The following RALYL variants were observed in gnomAD, a reference collection of about 807,000 sequenced individuals.
The protein encoded by RALYL is RNA-binding Raly-like protein.
Under a neutral mutation model 35.1 loss-of-function variants are expected in RALYL, and 29 were observed. That is an observed-to-expected ratio of 0.83 (90% CI 0.61 to 1.13). The LOEUF (loss-of-function observed/expected upper bound fraction) is 1.13, where lower values mean the gene tolerates loss of function less well. Ranked by LOEUF, RALYL falls within the 50% of genes most tolerant of loss-of-function variation. The probability of loss-of-function intolerance (pLI) is 0.00; values close to 1 mark genes in which losing one functional copy is unlikely to be tolerated. For missense variants in RALYL, 359 were observed against 360.4 expected, an observed-to-expected ratio of 1.00 and a Z score of 0.03; for synonymous variants, 120 against 127.6, an observed-to-expected ratio of 0.94 and a Z score of 0.40.
intron 1 of RALYL, among the ~76,000 whole-genome samples, chr8:84,412,364 G>A (rs1031751551): frequency 6.6e-6 from 1 of 151,808 alleles, no homozygotes; most frequent in Non-Finnish European, 1.5e-5. Flanking sequence ...CATATTTTCT[G>A]ACTATGATAA....
chr8:84,481,557 T>G (rs1422920889), intron 1 of RALYL, among the ~76,000 whole-genome samples: 1 of 152,164 alleles, frequency 6.6e-6, no homozygotes, highest in Non-Finnish European at 1.5e-5. Flanking sequence ...AAATATAATT[T>G]CAACTTAGAA....
At chr8:84,492,484 T>C (rs1441717048) in intron 1 of RALYL, among the ~76,000 whole-genome samples, 7 of 152,114 alleles carry the variant, frequency 4.6e-5, no homozygotes, top group Non-Finnish European at 1.0e-4. Context: ...TGCTTAGCCT[T>C]CAAAGTCTGC....
At chr8:84,287,542 A>C (rs1837886831) in intron 1 of RALYL, among the ~76,000 whole-genome samples, 1 of 152,100 alleles carries the variant, frequency 6.6e-6, no homozygotes, top group Non-Finnish European at 1.5e-5. Context: ...TTGTTACATG[A>C]GAATCGAAAG....
intron 1 of RALYL, among the ~76,000 whole-genome samples, chr8:84,455,576 A>G (rs13265396): frequency 0.35 from 53,097 of 151,932 alleles, 9,605 homozygotes; most frequent in South Asian, 0.52. Flanking sequence ...TGAGCCATTC[A>G]GGGTTTAAAT....
chr8:84,837,595 A>G (rs1275521659), intron 4 of RALYL, among the ~76,000 whole-genome samples: 1 of 152,210 alleles, frequency 6.6e-6, no homozygotes, highest in East Asian at 1.9e-4. Context: ...TGATTCTTCT[A>G]TAAATGAAAA....
chr8:84,184,992 C>G (rs1268912726), intron 1 of RALYL: 1 of 1,613,960 alleles, frequency 6.2e-7, no homozygotes, highest in East Asian at 2.2e-5. Context: ...TGCTCCTCCT[C>G]TTCGCAATGA....
chr8:84,288,922 A>C (rs769835682), intron 1 of RALYL, among the ~76,000 whole-genome samples: 1 of 152,178 alleles, frequency 6.6e-6, no homozygotes, highest in Non-Finnish European at 1.5e-5. Flanking sequence ...TGAATGGCAA[A>C]GAAGATTTTA....
chr8:84,822,431 G>C (rs1586558469), intron 4 of RALYL, among the ~76,000 whole-genome samples: 3 of 152,254 alleles, frequency 2.0e-5, no homozygotes. Flanking sequence ...TAGCATTGCT[G>C]CCCTTTCTGT....
At chr8:84,522,690 A>G (rs1455799194) in intron 1 of RALYL, among the ~76,000 whole-genome samples, 1 of 152,140 alleles carries the variant, frequency 6.6e-6, no homozygotes, top group Non-Finnish European at 1.5e-5. Context: ...AGCATTTTCC[A>G]TGGTTTATCT....
intron 1 of RALYL, among the ~76,000 whole-genome samples, chr8:84,528,012 G>A (rs1227897216): frequency 6.6e-6 from 1 of 152,100 alleles, no homozygotes; most frequent in African/African-American, 2.4e-5. Context: ...TGTTTTAAAT[G>A]CATAATAAGT....
chr8:84,419,665 T>TA (rs1345682814), intron 1 of RALYL, among the ~76,000 whole-genome samples: 2 of 149,592 alleles, frequency 1.3e-5, no homozygotes, highest in African/African-American at 4.9e-5. Flanking sequence ...CATCTAGCAT[T>TA]AGGTATATCT....
chr8:84,786,393 G>A (rs946753252), intron 3 of RALYL, among the ~76,000 whole-genome samples: 2 of 152,142 alleles, frequency 1.3e-5, no homozygotes, highest in African/African-American at 2.4e-5. Context: ...AGGTCTTTGA[G>A]GAATCGCCAC....
At chr8:84,260,368 A>G (rs758242816) in intron 1 of RALYL, among the ~76,000 whole-genome samples, 2 of 152,146 alleles carry the variant, frequency 1.3e-5, no homozygotes, top group Non-Finnish European at 2.9e-5. Flanking sequence ...GAGTGGTCTC[A>G]GGTGTGATCG....
chr8:84,316,112 C>T (rs1242107632), intron 1 of RALYL, among the ~76,000 whole-genome samples: 1 of 152,070 alleles, frequency 6.6e-6, no homozygotes, highest in African/African-American at 2.4e-5. Flanking sequence ...CCTTAAAGCT[C>T]ACGTTTCCAT....
chr8:84,281,089 T>G (rs1221040523), intron 1 of RALYL, among the ~76,000 whole-genome samples: 3 of 152,148 alleles, frequency 2.0e-5, no homozygotes, highest in Admixed American at 6.6e-5. Flanking sequence ...TGGAAAGTGG[T>G]GTTAGCATGA....
intron 1 of RALYL, among the ~76,000 whole-genome samples, chr8:84,188,175 C>T (rs1042096610): frequency 2.0e-5 from 3 of 151,898 alleles, no homozygotes; most frequent in African/African-American, 7.2e-5. Flanking sequence ...TTACATGTCA[C>T]AGGGGTTTGC....
chr8:84,404,222 G>C (rs572352723), intron 1 of RALYL, among the ~76,000 whole-genome samples: 1 of 151,960 alleles, frequency 6.6e-6, no homozygotes, highest in Non-Finnish European at 1.5e-5. Context: ...AATAGGAGTC[G>C]TGAGAGAGGG....
rs145814741 is a variant in RALYL at position 84,488,414 on chromosome 8, A to T, written c.-23-40885A>T. Among the ~76,000 whole-genome samples, 820 of 152,190 alleles carry T rather than the reference A, an allele frequency of 5.4e-3. 1 individual carries two copies. Among genetic ancestry groups the T allele is most frequent in the Middle Eastern group, 0.017 (5 of 294 alleles). On this transcript the variant is annotated intron_variant, in intron 1 of 8. Coordinates refer to ENST00000521268, the MANE Select transcript of RALYL (RefSeq NM_173848.7). ...TGGATAGTTAGAGAGCCCAGGAAGTACACAAAAGTTCCCATTTTCAAAATG... is the reference window on the plus strand; with the variant it reads ...TGGATAGTTAGAGAGCCCAGGAAGTTCACAAAAGTTCCCATTTTCAAAATG...
chr8:84,271,523 G>A (rs1184507276), intron 1 of RALYL, among the ~76,000 whole-genome samples: 1 of 150,798 alleles, frequency 6.6e-6, no homozygotes, highest in African/African-American at 2.4e-5. Flanking sequence ...TACATTTCTA[G>A]TATCTAGGTA....
Sources: gnomAD v4.1 joint callset for allele counts (sites outside exome capture counted in the v4.1 genomes callset) on GRCh38, gnomAD v4.1.1 for gene constraint, MANE v1.5 for transcripts, NCBI Gene and HGNC (gene_info 2026-07-23, HGNC 2026-07-21) for gene names.